NUP54: variants seen among roughly 807,000 people sequenced by gnomAD.
NUP54 encodes nucleoporin p54.
NUP54 carries 27 observed loss-of-function variants against 66.4 expected under a neutral mutation model. The ratio of observed to expected loss-of-function variants is 0.41; its 90% CI spans 0.30 to 0.56. The LOEUF is 0.56. Among genes scored for constraint, NUP54 ranks in the 20% least tolerant of loss-of-function variants. The probability of loss-of-function intolerance (pLI) is 0.34; values close to 1 mark genes in which losing one functional copy is unlikely to be tolerated. For missense variants in NUP54, 486 were observed against 596.3 expected, an observed-to-expected ratio of 0.82 and a Z score of 1.93; for synonymous variants, 206 against 210.7, an observed-to-expected ratio of 0.98 and a Z score of 0.19.
At position 76,144,205 on chromosome 4, in the gene NUP54, C is replaced by G; in HGVS notation, c.239G>C (p.Gly80Ala). ...TTGTSTGLGTGLGTGLGFGGF... is the reference protein window; with the variant it reads ...TTGTSTGLGTALGTGLGFGGF... ...TCCAAATCCCAGTCCAGTTCCCAAA[C>G]CAGTACCTAAACCAGTACTAGTTCC... Residue 80 changes from glycine to alanine, a missense_variant, in exon 3 of 12, where the codon GGT (glycine) becomes GCT (alanine). Transcript: ENST00000264883. The G allele has an allele frequency of 6.2e-7, 1 of 1,614,000 alleles. No homozygotes were observed. The highest frequency in any genetic ancestry group is 1.1e-5 in the South Asian group (1 of 91,078).
At chr4:76,144,079 T>C in intron 3 of NUP54, 70 bp downstream of exon 3, 1 of 1,462,852 alleles carries the variant, frequency 6.8e-7, no homozygotes, top group Non-Finnish European at 9.5e-7. Flanking sequence ...TAAAGTATTC[T>C]GAATGCACTC....
rs1730349905 is a variant in NUP54 at position 76,123,955 on chromosome 4, AG to A, written c.1164+693del. Among the ~76,000 whole-genome samples, 3 of 152,174 alleles carry A rather than the reference AG, an allele frequency of 2.0e-5. No homozygotes were observed. The South Asian group carries it at 6.2e-4, about 32-fold the overall frequency. On this transcript the variant is annotated intron_variant, in intron 9 of 11. Transcript: ENST00000264883. ...ATTTTAACGGTCTTTTCAAAGAAAC[AG>A]TTTTTTAATTTATTCTTTCCACTAT...
intron 1 of NUP54, 44 bp from the exon 2 acceptor site, chr4:76,144,517 T>C (rs1162641110): frequency 2.2e-6 from 3 of 1,387,888 alleles, no homozygotes; most frequent in Non-Finnish European, 2.0e-6. Context: ...ATCTTTTGTA[T>C]ATATAAAGGC....
intron 8 of NUP54, among the ~76,000 whole-genome samples, chr4:76,128,024 C>T (rs1297453741): frequency 6.6e-6 from 1 of 152,012 alleles, no homozygotes; most frequent in Non-Finnish European, 1.5e-5. Context: ...CCCATTTTTC[C>T]CCTCAGGCGT....
At chr4:76,143,443 A>C (rs1271241720) in intron 3 of NUP54, among the ~76,000 whole-genome samples, 1 of 152,180 alleles carries the variant, frequency 6.6e-6, no homozygotes, top group Non-Finnish European at 1.5e-5. Context: ...GTCTCTACTA[A>C]AAATACAAAA....
At chr4:76,125,315 A>G (rs1730424010) in intron 8 of NUP54, among the ~76,000 whole-genome samples, 1 of 92,030 alleles carries the variant, frequency 1.1e-5, no homozygotes, top group Admixed American at 9.7e-5. Flanking sequence ...GTGAGACTCC[A>G]TCACACACAC....
rs762922246 is a variant in NUP54, at chr4:76,144,172, T to C, written c.272A>G (p.Asn91Ser). ...ACTAGTTTGCTGCTGCTGCTGTGTA[T>C]TAAATCCTCCAAATCCCAGTCCAGT... is the stretch of plus-strand genomic sequence containing the variant. ...LGTGLGFGGF[N>S]TQQQQQTTLG... The change falls in exon 3 of 12, where the codon AAT becomes AGT. Residue 91 changes from asparagine (N) to serine (S), a missense_variant. By Grantham distance (46) the Asn-to-Ser change is conservative (BLOSUM62 1). This residue lies in a region of NUP54 where 145 missense variants were observed against 137.1 expected (regional missense o/e 1.06). Transcript: ENST00000264883. 1 of 1,603,128 alleles carries C rather than the reference T, an allele frequency of 6.2e-7. No individual in the cohort carries two copies. Among genetic ancestry groups the C allele is most frequent in the South Asian group, 1.1e-5 (1 of 90,574 alleles).
rs1359751331 is a variant in NUP54 at position 76,118,573 on chromosome 4, T to TGGGGCGGGGTG, written c.1165-380_1165-379insCACCCCGCCCC. ...ATTTTTTAATTTTTTTGTGGCGGGG[T>TGGGGCGGGGTG]GGGGGGGGGGGTCTCACTATGTGGC... On this transcript the variant is annotated intron_variant, in intron 9 of 11. Transcript: ENST00000264883. The TGGGGCGGGGTG allele has an allele frequency of 5.1e-5, 2 of 39,466 alleles. 1 individual carries two copies. The highest frequency in any genetic ancestry group is 2.8e-4 in the African/African-American group (2 of 7,156). 2.4% of individuals were successfully genotyped at this position (39,466 alleles called of 1,614,324 possible). A position where few individuals can be genotyped will look rare whatever the true frequency, so the allele number is the denominator to read the frequency against.
intron 8 of NUP54, among the ~76,000 whole-genome samples, chr4:76,125,336 A>AAGCG (rs1560678366): frequency 7.9e-6 from 1 of 126,996 alleles, no homozygotes; most frequent in African/African-American, 2.6e-5. Flanking sequence ...ACACACACAC[A>AAGCG]CACACACACA....
intron 4 of NUP54, among the ~76,000 whole-genome samples, chr4:76,135,053 T>C (rs1163072873): frequency 6.6e-6 from 1 of 152,142 alleles, no homozygotes; most frequent in African/African-American, 2.4e-5. Context: ...AGTATCTGTA[T>C]ATCTGATTCA....
At chr4:76,147,836 A>C in intron 1 of NUP54, 1 of 352,774 alleles carries the variant, frequency 2.8e-6, no homozygotes, top group South Asian at 2.4e-5. Flanking sequence ...GATAAACCCC[A>C]CAGCGAGGAC....
rs541476582 is a variant in NUP54 at position 76,119,657 on chromosome 4, C to T, written c.1165-1463G>A. On this transcript the variant is annotated intron_variant, in intron 9 of 11. Transcript: ENST00000264883. ...CCTCTTAAAGTGCTGGGATTACAGG[C>T]GTGGGCCACTGTGCCAGGCTGCTTC... Among the ~76,000 whole-genome samples the T allele has an allele frequency of 1.6e-4, 24 of 151,962 alleles. 1 individual carries two copies. Among genetic ancestry groups the T allele is most frequent in the South Asian group, 6.2e-4 (3 of 4,822 alleles).
chr4:76,117,879 A>G lies in NUP54; in HGVS notation c.1285-105T>C, dbSNP rs1454416430. ...TCAAAACCATCTATTAAAAATTTCT[A>G]TTTCTCTCTCTGTACATTATATTCG... On this transcript the variant is annotated intron_variant, in intron 10 of 11. Coordinates refer to ENST00000264883, the MANE Select transcript of NUP54 (RefSeq NM_017426.4). 13 of 1,062,128 alleles carry G rather than the reference A, an allele frequency of 1.2e-5. No individual in the cohort carries two copies. The South Asian group carries it at 1.3e-4, about 11-fold the overall frequency. 65.8% of individuals were successfully genotyped at this position (1,062,128 alleles called of 1,614,324 possible).
At chr4:76,124,820 C>T (rs887608286) in intron 8 of NUP54, 64 bp from the exon 9 acceptor site, 2 of 640,476 alleles carry the variant, frequency 3.1e-6, no homozygotes, top group Non-Finnish European at 2.8e-6. Flanking sequence ...ATCAGTTACA[C>T]CTGTATGGAA....
At chr4:76,135,482 G>A (rs968629706) in intron 4 of NUP54, among the ~76,000 whole-genome samples, 22 of 152,160 alleles carry the variant, frequency 1.4e-4, no homozygotes, top group Admixed American at 7.9e-4. Flanking sequence ...TTTTGTTAGT[G>A]ATGACACAAA....
intron 8 of NUP54, among the ~76,000 whole-genome samples, chr4:76,126,813 T>TA (rs1730556991): frequency 6.6e-6 from 1 of 152,168 alleles, no homozygotes; most frequent in Admixed American, 6.5e-5. Flanking sequence ...TCCCACAAAT[T>TA]AGTCTTTGCA....
chr4:76,148,285 G>C, intron 1 of NUP54, 23 bp downstream of exon 1: 1 of 1,365,556 alleles, frequency 7.3e-7, no homozygotes, highest in South Asian at 1.9e-5. Flanking sequence ...CTTCCCGGGT[G>C]AAGGTCTAGG....
chr4:76,114,706 CT>C lies in NUP54; in HGVS notation c.*659del, dbSNP rs1254684110. On this transcript the variant is annotated 3_prime_UTR_variant, in exon 12 of 12. Transcript: ENST00000264883. ...TAAGAATTTATTTATAAGTTTTCAT[CT>C]TTTTAGAAATAAAAAGGCTTAAAAA... 1 of 152,078 alleles carries C rather than the reference CT, an allele frequency of 6.6e-6. No homozygotes were observed. Among genetic ancestry groups the C allele is most frequent in the Admixed American group, 6.6e-5 (1 of 15,260 alleles). 9.4% of individuals were successfully genotyped at this position (152,078 alleles called of 1,614,324 possible).
At chr4:76,132,278 A>G (rs1446073193) in intron 6 of NUP54, 1 of 279,782 alleles carries the variant, frequency 3.6e-6, no homozygotes, top group Non-Finnish European at 6.5e-6. Flanking sequence ...GGGTAGATGG[A>G]TTATGGACTA....
Sources: gnomAD v4.1 joint callset for allele counts (sites outside exome capture counted in the v4.1 genomes callset) on GRCh38, gnomAD v4.1.1 for gene constraint, gnomAD v4.1.1 regional missense constraint, MANE v1.5 for transcripts, NCBI Gene and HGNC (gene_info 2026-07-23, HGNC 2026-07-21) for gene names.